SLC2A7: variants seen among roughly 807,000 people sequenced by gnomAD.
The protein encoded by SLC2A7 is solute carrier family 2 member 7, also known as solute carrier family 2, facilitated glucose transporter member 7.
In SLC2A7, 50 loss-of-function variants were observed where a neutral mutation model predicts 50.5. That is an observed-to-expected ratio of 0.99 (90% confidence interval 0.79 to 1.25). The LOEUF (loss-of-function observed/expected upper bound fraction) is 1.25, where lower values mean the gene tolerates loss of function less well. Among genes scored for constraint, SLC2A7 ranks in the 50% most tolerant of loss-of-function variants. The pLI is 0.00. For synonymous variants in SLC2A7, 308 were observed against 300.4 expected (o/e 1.03, Z -0.26); for missense variants, 683 against 679.1 (o/e 1.01, Z -0.06).
At chr1:9,013,473 C>G (rs995456350) in intron 8 of SLC2A7, 52 bp downstream of exon 8, 1 of 1,518,960 alleles carries the variant, frequency 6.6e-7, no homozygotes, top group African/African-American at 1.4e-5. Flanking sequence ...GTCTGCCTGG[C>G]GGCACCTGGC....
rs1204433415 is a variant in SLC2A7 at position 9,026,319 on chromosome 1, A to C, written c.27T>G (p.Pro9=). 1 of 1,607,514 alleles carries C rather than the reference A, an allele frequency of 6.2e-7. No individual in the cohort carries two copies. The highest frequency in any genetic ancestry group is 8.5e-7 in the Non-Finnish European group (1 of 1,176,324). The change falls in exon 1 of 12, where the codon CCT becomes CCG. Residue 9 remains proline, a synonymous_variant. Transcript: ENST00000400906. The part of the protein sequence containing the change: MENKEAGT[P]PPIPSREGRL... ...CCCCCTCCCTGGATGGAATGGGTGG[A>C]GGGGTTCCCGCCTCTTTGTTCTCCA...
intron 8 of SLC2A7, among the ~76,000 whole-genome samples, chr1:9,010,769 T>C (rs1640737275): frequency 6.6e-6 from 1 of 152,190 alleles, no homozygotes; most frequent in Admixed American, 6.5e-5. Context: ...GTTCTGGTCA[T>C]TCATTTCCAG....
intron 10 of SLC2A7, 112 bp downstream of exon 10, chr1:9,007,198 C>A (rs531571920): frequency 8.1e-7 from 1 of 1,233,448 alleles, no homozygotes; most frequent in Admixed American, 1.8e-5. Flanking sequence ...TGCGTGAGCA[C>A]GGGGACCAAG....
chr1:9,017,119 G>A (rs1640841859), intron 5 of SLC2A7, among the ~76,000 whole-genome samples: 2 of 152,114 alleles, frequency 1.3e-5, no homozygotes, highest in East Asian at 1.9e-4. Context: ...TCAGGAGTTC[G>A]AGACCATCCT....
the SLC2A7 span, among the ~76,000 whole-genome samples, chr1:8,997,346 C>T: frequency 6.6e-6 from 1 of 152,204 alleles, no homozygotes; most frequent in South Asian, 2.1e-4. Context: ...AAAACACAAT[C>T]TTTTGCCCAT....
chr1:9,009,304 G>T (rs375318454), intron 9 of SLC2A7, among the ~76,000 whole-genome samples: 1 of 152,226 alleles, frequency 6.6e-6, no homozygotes, highest in African/African-American at 2.4e-5. Flanking sequence ...TTGCTTTTTA[G>T]AGATTTTATA....
At chr1:9,009,095 T>C (rs984406695) in intron 9 of SLC2A7, among the ~76,000 whole-genome samples, 12 of 152,204 alleles carry the variant, frequency 7.9e-5, no homozygotes, top group Non-Finnish European at 1.6e-4. Flanking sequence ...GGACAAGTCA[T>C]TGCAGAGAGG....
At chr1:9,018,412 C>T (rs757375548) in intron 4 of SLC2A7, 37 bp from the exon 5 acceptor site, 35 of 1,611,266 alleles carry the variant, frequency 2.2e-5, no homozygotes, top group South Asian at 3.3e-5. Flanking sequence ...GCAGGCAAAC[C>T]GCAAACGCAG....
intron 6 of SLC2A7, 28 bp from the exon 7 acceptor site, chr1:9,014,896 A>G (rs1640805719): frequency 6.4e-7 from 1 of 1,558,748 alleles, no homozygotes; most frequent in African/African-American, 1.4e-5. Flanking sequence ...ACCCGCTCAG[A>G]GGGCCGTCTC....
intron 8 of SLC2A7, among the ~76,000 whole-genome samples, chr1:9,012,733 A>G (rs1269847289): frequency 6.6e-6 from 1 of 152,230 alleles, no homozygotes; most frequent in Admixed American, 6.5e-5. Context: ...TGCAACATAT[A>G]TATCAAAGCG....
chr1:9,005,616 G>C (rs1640643016), intron 10 of SLC2A7, among the ~76,000 whole-genome samples: 1 of 151,908 alleles, frequency 6.6e-6, no homozygotes, highest in African/African-American at 2.4e-5. Context: ...GACCGGCCTG[G>C]CCAACATGAT....
chr1:9,002,337 G>T (rs138534785), downstream of SLC2A7, among the ~76,000 whole-genome samples: 17 of 152,324 alleles, frequency 1.1e-4, no homozygotes, highest in African/African-American at 4.1e-4. Context: ...CCTGGGAACG[G>T]AATGTCTCGG....
At chr1:9,001,321 C>A (rs182118862), downstream of SLC2A7, among the ~76,000 whole-genome samples, 73 of 151,706 alleles carry the variant, frequency 4.8e-4, no homozygotes, top group African/African-American at 1.7e-3. Context: ...AGGAAACCCA[C>A]GTTATGACAA....
At position 9,026,281 on chromosome 1, in the gene SLC2A7, G is replaced by T; in HGVS notation, c.51+14C>A. The T allele has an allele frequency of 6.2e-7, 1 of 1,608,478 alleles. No individual in the cohort carries two copies. On this transcript the variant is annotated intron_variant, in intron 1 of 11. Transcript: ENST00000400906. ...GGAGAGGGACAGTGACAGGTTCCTAGTCTTGGCACTTACCCCCTCCCTGGA... is the reference window on the plus strand; with the variant it reads ...GGAGAGGGACAGTGACAGGTTCCTATTCTTGGCACTTACCCCCTCCCTGGA...
chr1:8,994,833 C>A, the SLC2A7 span, among the ~76,000 whole-genome samples: 3 of 151,868 alleles, frequency 2.0e-5, no homozygotes, highest in Non-Finnish European at 4.4e-5. Context: ...TTCAGTAGCA[C>A]AATCTCGGCT....
chr1:9,024,040 G>T (rs981574608), intron 2 of SLC2A7, among the ~76,000 whole-genome samples: 4 of 151,718 alleles, frequency 2.6e-5, no homozygotes, highest in Non-Finnish European at 2.9e-5. Context: ...ATTTTTAGTA[G>T]AGATGAGGTT....
Position 9,010,124 on chromosome 1 carries a change from G to T in SLC2A7, c.1116+19C>A, listed in dbSNP as rs1415710954. 2 of 1,550,080 alleles carry T rather than the reference G, an allele frequency of 1.3e-6. No individual in the cohort carries two copies. The highest frequency in any genetic ancestry group is 2.4e-5 in the East Asian group (1 of 40,908). On this transcript the variant is annotated intron_variant, in intron 9 of 11. Coordinates refer to ENST00000400906, the MANE Select transcript of SLC2A7 (RefSeq NM_207420.3). ...CTCCCCATGACTCCCCACCCAGGGG[G>T]CAGGAAATGAGGTCAGACCTGGAAT...
the SLC2A7 span, among the ~76,000 whole-genome samples, chr1:8,995,310 T>G: frequency 6.7e-6 from 1 of 148,518 alleles, no homozygotes; most frequent in Non-Finnish European, 1.5e-5. Context: ...TAGCCAGGCA[T>G]GGTGGCGGGC....
At chr1:9,015,374 T>C in intron 5 of SLC2A7, 132 bp from the exon 6 acceptor site, 1 of 1,177,242 alleles carries the variant, frequency 8.5e-7, no homozygotes, top group Non-Finnish European at 1.1e-6. Context: ...AGGGTACTCC[T>C]ACAAATGGTT....
Sources: gnomAD v4.1 joint callset for allele counts (sites outside exome capture counted in the v4.1 genomes callset) on GRCh38, gnomAD v4.1.1 for gene constraint, MANE v1.5 for transcripts, NCBI Gene and HGNC (gene_info 2026-07-23, HGNC 2026-07-21) for gene names.